MCTP1: variants seen among roughly 807,000 people sequenced by gnomAD.
MCTP1 encodes multiple C2 and transmembrane domain containing 1, also known as multiple C2 and transmembrane domain-containing protein 1.
In MCTP1, 69 loss-of-function variants were observed where a neutral mutation model predicts 120.6. That is an observed-to-expected ratio of 0.57 (90% CI 0.47 to 0.70). The LOEUF (loss-of-function observed/expected upper bound fraction) is 0.70, where lower values mean the gene tolerates loss of function less well. Ranked by LOEUF, MCTP1 falls within the 30% of genes least tolerant of loss-of-function variation. MCTP1 has a pLI of 0.00. For missense variants in MCTP1, 1,203 were observed against 1,248.8 expected (o/e 0.96, Z 0.55); for synonymous variants, 529 against 493.1 (o/e 1.07, Z -0.96).
chr5:94,973,444 A>G (rs539418658), intron 2 of MCTP1, among the ~76,000 whole-genome samples: 29 of 152,298 alleles, frequency 1.9e-4, no homozygotes, highest in African/African-American at 7.0e-4. Flanking sequence ...TTAGCATAAC[A>G]GAGTATTGGT....
chr5:95,098,403 ATAAAG>A (rs1407738158), intron 1 of MCTP1, among the ~76,000 whole-genome samples: 1 of 152,234 alleles, frequency 6.6e-6, no homozygotes, highest in Non-Finnish European at 1.5e-5. Context: ...TCTGATATAC[ATAAAG>A]TATTTAATTT....
At chr5:95,183,087 T>C (rs1236311408) in intron 1 of MCTP1, among the ~76,000 whole-genome samples, 1 of 150,208 alleles carries the variant, frequency 6.7e-6, no homozygotes, top group East Asian at 1.9e-4. Context: ...AGCGCCAGTA[T>C]AAGGACAGAT....
At chr5:94,797,465 C>A (rs1328734972) in intron 18 of MCTP1, among the ~76,000 whole-genome samples, 2 of 152,158 alleles carry the variant, frequency 1.3e-5, no homozygotes, top group East Asian at 3.8e-4. Context: ...GTCCTATTTT[C>A]TTCCAGAAAA....
chr5:94,956,551 A>G (rs1028390667), intron 2 of MCTP1, among the ~76,000 whole-genome samples: 2 of 152,174 alleles, frequency 1.3e-5, no homozygotes, highest in African/African-American at 4.8e-5. Context: ...AAATAGAATA[A>G]CCAGTTCAGA....
chr5:94,844,301 C>CAAAAAAAAAAAAAAAAAAA (rs59169145), intron 17 of MCTP1, among the ~76,000 whole-genome samples: 8 of 79,674 alleles, frequency 1.0e-4, no homozygotes, highest in East Asian at 6.5e-4. Context: ...GACTCTGTCT[C>CAAAAAAAAAAAAAAAAAAA]AAAAAAAAAA....
chr5:94,925,802 A>G (rs997877943), intron 6 of MCTP1, among the ~76,000 whole-genome samples: 27 of 152,246 alleles, frequency 1.8e-4, no homozygotes, highest in Non-Finnish European at 3.1e-4. Context: ...CAAAATTATT[A>G]AAGTTATTCT....
intron 12 of MCTP1, among the ~76,000 whole-genome samples, chr5:94,874,108 A>G (rs1798326819): frequency 6.6e-6 from 1 of 152,074 alleles, no homozygotes; most frequent in Non-Finnish European, 1.5e-5. Flanking sequence ...TACCTTATAC[A>G]AATGACAATG....
chr5:94,903,735 T>C (rs770708655), intron 10 of MCTP1, among the ~76,000 whole-genome samples: 5 of 152,188 alleles, frequency 3.3e-5, no homozygotes, highest in Admixed American at 6.5e-5. Context: ...CTAAAATATA[T>C]GTACCCCAAA....
chr5:95,224,889 T>C (rs1754087255), intron 1 of MCTP1, among the ~76,000 whole-genome samples: 1 of 152,218 alleles, frequency 6.6e-6, no homozygotes, highest in Non-Finnish European at 1.5e-5. Flanking sequence ...AAGAGCAAAG[T>C]ACAAGTCTTT....
In MCTP1 at chr5:94,934,213, T is replaced by C. The variant is rs528145387; in HGVS notation, c.1174-2222A>G. On this transcript the variant is annotated intron_variant, in intron 5 of 22. Transcript: ENST00000515393. Reference sequence around the variant, plus strand: ...AATTAAAAAGAAAATTTAATATATATACTATTAATAATGTTTTCTTTGCTA... The same window carrying C: ...AATTAAAAAGAAAATTTAATATATACACTATTAATAATGTTTTCTTTGCTA... Among the ~76,000 whole-genome samples the C allele has an allele frequency of 2.0e-5, 3 of 151,716 alleles. No individual in the cohort carries two copies. In the East Asian group the frequency reaches 5.8e-4, roughly 29 times the overall value.
intron 1 of MCTP1, among the ~76,000 whole-genome samples, chr5:95,225,780 C>T (rs1754194128): frequency 6.6e-6 from 1 of 152,116 alleles, no homozygotes; most frequent in Non-Finnish European, 1.5e-5. Context: ...CATTCCCTCC[C>T]ACCTAGTCTG....
intron 1 of MCTP1, among the ~76,000 whole-genome samples, chr5:95,059,494 G>A (rs1748343573): frequency 6.6e-6 from 1 of 151,836 alleles, no homozygotes; most frequent in Non-Finnish European, 1.5e-5. Flanking sequence ...GGGATTATTT[G>A]TACTCAAATC....
chr5:95,214,468 G>C (rs1196539052), intron 1 of MCTP1, among the ~76,000 whole-genome samples: 3 of 151,972 alleles, frequency 2.0e-5, no homozygotes, highest in African/African-American at 7.3e-5. Context: ...GATTCCTCAG[G>C]GATCTAGAAC....
At chr5:95,268,902 G>A (rs992481003) in intron 1 of MCTP1, among the ~76,000 whole-genome samples, 1 of 152,216 alleles carries the variant, frequency 6.6e-6, no homozygotes, top group African/African-American at 2.4e-5. Context: ...GTCAGGGTCT[G>A]TGGGTTGGAC....
chr5:94,816,910 T>G (rs2153085792), intron 17 of MCTP1, among the ~76,000 whole-genome samples: 1 of 152,202 alleles, frequency 6.6e-6, no homozygotes, highest in South Asian at 2.1e-4. Flanking sequence ...TCCTTGTCCA[T>G]TAAAAAATGT....
chr5:95,016,662 C>T lies in MCTP1; in HGVS notation c.838+705G>A, dbSNP rs527376508. Among the ~76,000 whole-genome samples the T allele has an allele frequency of 2.8e-4, 43 of 152,044 alleles. No homozygotes were observed. The South Asian group carries it at 8.1e-3, about 29-fold the overall frequency. ...AATTGGGGGCTCTCAGGGCCCTCAACGTATCCACCTCCTGCAGCGCTCATA... is the reference window on the plus strand; with the variant it reads ...AATTGGGGGCTCTCAGGGCCCTCAATGTATCCACCTCCTGCAGCGCTCATA... On this transcript the variant is annotated intron_variant, in intron 2 of 22. Coordinates refer to ENST00000515393, the MANE Select transcript of MCTP1 (RefSeq NM_024717.7).
At chr5:95,001,756 C>T (rs1833744690) in intron 2 of MCTP1, among the ~76,000 whole-genome samples, 1 of 152,136 alleles carries the variant, frequency 6.6e-6, no homozygotes. Flanking sequence ...AATTTGCAGC[C>T]TGATGATGCC....
intron 6 of MCTP1, among the ~76,000 whole-genome samples, chr5:94,925,700 C>T (rs1290852164): frequency 1.3e-5 from 2 of 152,134 alleles, no homozygotes; most frequent in Non-Finnish European, 2.9e-5. Flanking sequence ...TGAGCCACTG[C>T]GCCCGGCCAA....
intron 1 of MCTP1, among the ~76,000 whole-genome samples, chr5:95,079,294 T>C (rs1392190087): frequency 6.6e-6 from 1 of 152,124 alleles, no homozygotes; most frequent in African/African-American, 2.4e-5. Context: ...AGTATGGGAC[T>C]GTCATCTAGC....
Sources: allele counts gnomAD v4.1 joint callset (sites outside exome capture counted in the v4.1 genomes callset), GRCh38; gene constraint gnomAD v4.1.1; transcripts MANE v1.5; gene names NCBI Gene and HGNC (gene_info 2026-07-23, HGNC 2026-07-21).